The following CCDC150 variants were observed in gnomAD, a reference collection of about 807,000 sequenced individuals.
CCDC150 encodes the protein coiled-coil domain-containing protein 150.
In CCDC150, 151 loss-of-function variants were observed where a neutral mutation model predicts 156.5. The observed-to-expected ratio is 0.97, with a 90% CI of 0.85 to 1.10. The LOEUF (loss-of-function observed/expected upper bound fraction) is 1.10. Among genes scored for constraint, CCDC150 ranks in the 50% least tolerant of loss-of-function variants. The pLI, the probability that CCDC150 is intolerant of heterozygous loss-of-function variation, is 0.00. For synonymous variants in CCDC150, 452 were observed against 429.4 expected, an observed-to-expected ratio of 1.05 and a Z score of -0.65; for missense variants, 1,312 against 1,268.1, an observed-to-expected ratio of 1.03 and a Z score of -0.53.
intron 21 of CCDC150, among the ~76,000 whole-genome samples, chr2:196,724,717 T>C (rs1698113911): frequency 6.6e-6 from 1 of 152,154 alleles, no homozygotes. Flanking sequence ...TCACAATAAA[T>C]TTAAAGGCAA....
rs368539445 is a variant in CCDC150 at position 196,655,438 on chromosome 2, G to A, written c.177-1195G>A. Reference sequence around the variant, plus strand: ...AAGCTTCTGTAGACTTGGAGTTATCGCTGGGGCAAGCTAGGGGAGAAGTCT... The same window carrying A: ...AAGCTTCTGTAGACTTGGAGTTATCACTGGGGCAAGCTAGGGGAGAAGTCT... On this transcript the variant is annotated intron_variant, in intron 2 of 27. Coordinates refer to ENST00000389175, the MANE Select transcript of CCDC150 (RefSeq NM_001080539.2). Among the ~76,000 whole-genome samples, 17 of 152,248 alleles carry A rather than the reference G, an allele frequency of 1.1e-4. No homozygotes were observed. In the East Asian group the frequency reaches 2.7e-3, roughly 24 times the overall value.
chr2:196,719,667 G>A lies in CCDC150; in HGVS notation c.2165+1G>A, dbSNP rs1322095354. 1.3e-6 allele frequency: 2 copies of A among 1,599,722 alleles called. No individual in the cohort carries two copies. The highest frequency in any genetic ancestry group is 1.1e-5 in the South Asian group (1 of 87,996). On this transcript the variant is annotated splice_donor_variant, in intron 19 of 27. Coordinates refer to ENST00000389175, the MANE Select transcript of CCDC150 (RefSeq NM_001080539.2). LOFTEE classifies it high-confidence loss of function. ...AGATTGCAGGCCTCAAGAAAGAAAG[G>A]TACCTGTGGTTTTTTTTCCCTGTCA...
At chr2:196,676,469 A>C in intron 11 of CCDC150, 85 bp from the exon 12 acceptor site, 2 of 1,352,290 alleles carry the variant, frequency 1.5e-6, no homozygotes, top group Non-Finnish European at 2.0e-6. Flanking sequence ...GTCAGGAAAT[A>C]TGTTCTATAA....
chr2:196,720,795 C>G (rs1697834966), intron 20 of CCDC150, 127 bp downstream of exon 20: 3 of 787,682 alleles, frequency 3.8e-6, no homozygotes, highest in Non-Finnish European at 6.0e-6. Context: ...GAGTTTTGGA[C>G]AGTGACATAT....
In CCDC150 at chr2:196,716,846, C is replaced by CTT. The variant is rs775962426; in HGVS notation, c.1867-1632_1867-1631dup. ...TGTATTAAATGTTTAAAATAACATT[C>CTT]TTTTTTTTTTTTTTTTTTTTTTTTT... On this transcript the variant is annotated intron_variant, in intron 17 of 27. Coordinates refer to ENST00000389175, the MANE Select transcript of CCDC150 (RefSeq NM_001080539.2). Among the ~76,000 whole-genome samples the CTT allele has an allele frequency of 9.5e-3, 707 of 74,368 alleles. 144 individuals are homozygous for CTT. Among genetic ancestry groups the CTT allele is most frequent in the South Asian group, 0.016 (33 of 2,124 alleles). The allele number at this position is 74,368 out of a possible 152,430, so 48.8% of individuals were successfully genotyped here. A position where few individuals can be genotyped will look rare whatever the true frequency, so the allele number is the denominator to read the frequency against.
At chr2:196,663,922 A>G (rs1482539728) in intron 5 of CCDC150, among the ~76,000 whole-genome samples, 4 of 152,100 alleles carry the variant, frequency 2.6e-5, no homozygotes, top group African/African-American at 7.2e-5. Context: ...TCCCATTTCA[A>G]TTGGAAAGGA....
intron 1 of CCDC150, among the ~76,000 whole-genome samples, chr2:196,644,213 G>A (rs143593659): frequency 6.6e-6 from 1 of 152,288 alleles, no homozygotes; most frequent in African/African-American, 2.4e-5. Flanking sequence ...GCGAGGCTGG[G>A]GTCATGAGCT....
At chr2:196,693,881 G>A (rs1695640314) in intron 13 of CCDC150, among the ~76,000 whole-genome samples, 1 of 152,004 alleles carries the variant, frequency 6.6e-6, no homozygotes, top group South Asian at 2.1e-4. Context: ...TTTACTGCGA[G>A]TATTAAGATG....
intron 26 of CCDC150, among the ~76,000 whole-genome samples, chr2:196,731,594 A>G (rs983651961): frequency 1.3e-5 from 2 of 151,724 alleles, no homozygotes; most frequent in South Asian, 4.2e-4. Context: ...CTGTGTTGCC[A>G]GGCTGGTCTC....
chr2:196,710,529 A>T (rs1344689002), intron 15 of CCDC150, among the ~76,000 whole-genome samples: 1 of 152,170 alleles, frequency 6.6e-6, no homozygotes, highest in African/African-American at 2.4e-5. Context: ...ACCAGTCCCA[A>T]TGAGATGAAC....
chr2:196,718,718 T>A (rs1697694914), intron 18 of CCDC150, 87 bp downstream of exon 18: 1 of 1,501,522 alleles, frequency 6.7e-7, no homozygotes, highest in African/African-American at 1.4e-5. Flanking sequence ...GCTTTCTTGC[T>A]TCCATTAGAA....
At position 196,732,503 on chromosome 2, in the gene CCDC150, A is replaced by T; in HGVS notation, c.3247A>T (p.Arg1083Ter). ...SNQSVLHRWERKQNLRPMPKK... is the reference protein window; with the variant it reads ...SNQSVLHRWE ...CCAATCTGTTCTGCATCGATGGGAGAGAAAACAGAATCTTAGGCCCATGCC... is the reference window on the plus strand; with the variant it reads ...CCAATCTGTTCTGCATCGATGGGAGTGAAAACAGAATCTTAGGCCCATGCC... Residue 1083 changes from arginine (R) to a stop codon, truncating the protein, a stop_gained, in exon 28 of 28, where the codon AGA (arginine) becomes TGA (stop). Coordinates refer to ENST00000389175, the MANE Select transcript of CCDC150 (RefSeq NM_001080539.2). LOFTEE classifies it high-confidence loss of function. The T allele has an allele frequency of 6.2e-7, 1 of 1,613,840 alleles. No individual in the cohort carries two copies. Among genetic ancestry groups the T allele is most frequent in the South Asian group, 1.1e-5 (1 of 91,084 alleles).
At chr2:196,683,385 T>G (rs1199158905) in intron 13 of CCDC150, among the ~76,000 whole-genome samples, 1 of 152,116 alleles carries the variant, frequency 6.6e-6, no homozygotes, top group Non-Finnish European at 1.5e-5. Flanking sequence ...CATGTTGTCC[T>G]TTTTATATGT....
At position 196,725,971 on chromosome 2, in the gene CCDC150, A is replaced by G. The variant is rs753024585; in HGVS notation, c.2430-2A>G. On this transcript the variant is annotated splice_acceptor_variant, in intron 21 of 27. Coordinates refer to ENST00000389175, the MANE Select transcript of CCDC150 (RefSeq NM_001080539.2). LOFTEE classifies it high-confidence loss of function. ...ACTTATCACCTCTCTTCTTCAAAAC[A>G]GAGACCGGATGACTGAAGAGTCCAA... 2.3e-5 allele frequency: 36 copies of G among 1,591,222 alleles called. No homozygotes were observed. The highest frequency in any genetic ancestry group is 8.9e-5 in the Admixed American group (5 of 56,050).
intron 13 of CCDC150, among the ~76,000 whole-genome samples, chr2:196,688,349 T>C (rs1203669454): frequency 6.6e-6 from 1 of 152,186 alleles, no homozygotes; most frequent in Non-Finnish European, 1.5e-5. Flanking sequence ...TATTTTATTC[T>C]TTTTGTGGCA....
Position 196,730,093 on chromosome 2 carries a change from G to T in CCDC150, c.2957G>T (p.Arg986Met). 1 of 1,609,906 alleles carries T rather than the reference G, an allele frequency of 6.2e-7. No homozygotes were observed. The highest frequency in any genetic ancestry group is 8.5e-7 in the Non-Finnish European group (1 of 1,178,542). ...CACCTAGAAGCAGAGCGGAAAATAAGGCAGGAGCTAGAGAATCGGTGCCAG... is the reference window on the plus strand; with the variant it reads ...CACCTAGAAGCAGAGCGGAAAATAATGCAGGAGCTAGAGAATCGGTGCCAG... Reference protein sequence around the residue: ...ELHLEAERKIRQELENRCQEL... With the variant: ...ELHLEAERKIMQELENRCQEL... Residue 986 changes from arginine (R) to methionine (M), a missense_variant, in exon 25 of 28, where the codon AGG becomes ATG. Arg to Met is a moderately conservative substitution (Grantham distance 91, BLOSUM62 -1). Transcript: ENST00000389175.
At chr2:196,647,497 AAGTC>A (rs1456554457) in intron 2 of CCDC150, among the ~76,000 whole-genome samples, 1 of 152,134 alleles carries the variant, frequency 6.6e-6, no homozygotes, top group Non-Finnish European at 1.5e-5. Context: ...AACAATTAAA[AAGTC>A]AGTGGTCCTC....
Position 196,685,711 on chromosome 2 carries a change from A to T in CCDC150, c.1509+8350A>T, listed in dbSNP as rs953032443. ...ACTGCAAGCTCCACCTCCCGGGTTCATGCCATTCTCCTGCCTCAGCCTCCC... is the reference window on the plus strand; with the variant it reads ...ACTGCAAGCTCCACCTCCCGGGTTCTTGCCATTCTCCTGCCTCAGCCTCCC... On this transcript the variant is annotated intron_variant, in intron 13 of 27. Transcript: ENST00000389175. Among the ~76,000 whole-genome samples, 6 of 151,620 alleles carry T rather than the reference A, an allele frequency of 4.0e-5. No individual in the cohort carries two copies. In the South Asian group the frequency reaches 1.3e-3, roughly 32 times the overall value.
At position 196,676,673 on chromosome 2, in the gene CCDC150, A is replaced by C. The variant is rs763917324; in HGVS notation, c.1382A>C (p.Glu461Ala). ...ATTGCAAGATTGCGAGGTGAATTGG[A>C]AGCATCAATGCAAGAGAAGAAGTCT... Reference protein sequence around the residue: ...STIARLRGELEASMQEKKSLL... With the variant: ...STIARLRGELAASMQEKKSLL... The change falls in exon 12 of 28, where the codon GAA becomes GCA. Residue 461 changes from glutamate (E) to alanine (A), a missense_variant. Transcript: ENST00000389175. The C allele has an allele frequency of 1.1e-5, 17 of 1,613,766 alleles. No individual in the cohort carries two copies. The highest frequency in any genetic ancestry group is 1.6e-4 in the Middle Eastern group (1 of 6,082).
Sources: gnomAD v4.1 joint callset for allele counts (sites outside exome capture counted in the v4.1 genomes callset) on GRCh38, gnomAD v4.1.1 for gene constraint, MANE v1.5 for transcripts, NCBI Gene and HGNC (gene_info 2026-07-23, HGNC 2026-07-21) for gene names.